The following MLPH variants were observed in gnomAD, a reference collection of about 807,000 sequenced individuals.
MLPH encodes the protein exophilin-3.
MLPH carries 51 observed loss-of-function variants against 72.1 expected under a neutral mutation model. The ratio of observed to expected loss-of-function variants is 0.71; its 90% CI spans 0.56 to 0.89. The LOEUF (loss-of-function observed/expected upper bound fraction) is 0.89, where lower values mean the gene tolerates loss of function less well. Among genes scored for constraint, MLPH ranks in the 40% least tolerant of loss-of-function variants. MLPH has a pLI of 0.00. For missense variants in MLPH, 743 were observed against 759.9 expected, an observed-to-expected ratio of 0.98 and a Z score of 0.26; for synonymous variants, 301 against 310.1, an observed-to-expected ratio of 0.97 and a Z score of 0.31.
intron 6 of MLPH, among the ~76,000 whole-genome samples, chr2:237,521,201 G>A (rs80149249): frequency 0.14 from 21,272 of 151,914 alleles, 1,587 homozygotes; most frequent in Non-Finnish European, 0.16. Context: ...CTATTAGAGC[G>A]AAGAAAACAA....
At chr2:237,492,442 G>C (rs1268829592) in intron 1 of MLPH, among the ~76,000 whole-genome samples, 2 of 149,736 alleles carry the variant, frequency 1.3e-5, no homozygotes, top group East Asian at 3.9e-4. Flanking sequence ...AGCCTGGGCT[G>C]CATAGTGAGA....
chr2:237,536,861 G>A (rs2080541861), intron 9 of MLPH, among the ~76,000 whole-genome samples: 1 of 152,212 alleles, frequency 6.6e-6, no homozygotes, highest in Admixed American at 6.5e-5. Flanking sequence ...CTTGTGGAGG[G>A]AAAGGGCAGC....
At chr2:237,525,837 G>T (rs1164567348) in intron 7 of MLPH, 32 bp downstream of exon 7, 1 of 1,597,572 alleles carries the variant, frequency 6.3e-7, no homozygotes, top group African/African-American at 1.3e-5. Flanking sequence ...CTTCCTGATG[G>T]GCTCGGCATG....
intron 6 of MLPH, among the ~76,000 whole-genome samples, chr2:237,522,614 A>G (rs116656801): frequency 0.16 from 13,632 of 84,360 alleles, 1,162 homozygotes; most frequent in African/African-American, 0.26. Flanking sequence ...GTAGAACTGA[A>G]ACTGGGGTTG....
chr2:237,550,739 G>T (rs895233827), intron 14 of MLPH, among the ~76,000 whole-genome samples: 1 of 152,090 alleles, frequency 6.6e-6, no homozygotes, highest in East Asian at 1.9e-4. Flanking sequence ...AGTAGAGACG[G>T]GTTTTCACCA....
chr2:237,542,852 G>A (rs1275855874), intron 12 of MLPH, among the ~76,000 whole-genome samples, 193 bp downstream of exon 12: 1 of 39,088 alleles, frequency 2.6e-5, no homozygotes, highest in Non-Finnish European at 4.0e-5. Flanking sequence ...ACAGTGGTGA[G>A]TGGCGGACAG....
In MLPH at chr2:237,534,643, C is replaced by G. The variant is rs1487141351; in HGVS notation, c.1100C>G (p.Ala367Gly). 6.2e-7 allele frequency: 1 copy of G among 1,613,448 alleles called. No individual in the cohort carries two copies. The highest frequency in any genetic ancestry group is 8.5e-7 in the Non-Finnish European group (1 of 1,179,542). The change falls in exon 9 of 16, where the codon GCC becomes GGC. Residue 367 changes from alanine to glycine, a missense_variant. Ala to Gly is a moderately conservative substitution (Grantham distance 60). Transcript: ENST00000264605. Reference protein sequence around the residue: ...YLENTVVPPLAKGLGAGVRTE... With the variant: ...YLENTVVPPLGKGLGAGVRTE... ...GAGAACACAGTTGTGCCTCCCTTGG[C>G]CAAGGTAACACTGGGGGCTGGGCAA...
At chr2:237,518,285 A>T in intron 4 of MLPH, 1 of 578,052 alleles carries the variant, frequency 1.7e-6, no homozygotes, top group Non-Finnish European at 3.2e-6. Context: ...CCCATTGAGT[A>T]GGTGGATGAG....
intron 2 of MLPH, among the ~76,000 whole-genome samples, chr2:237,503,947 G>A (rs755912954): frequency 2.4e-4 from 37 of 152,172 alleles, no homozygotes; most frequent in Non-Finnish European, 4.7e-4. Flanking sequence ...GATGATCCCG[G>A]GTTCCCTGGG....
rs755427541 is a variant in MLPH, at chr2:237,527,466, A to G, written c.970A>G (p.Met324Val). ...TGAGGAAAGCATCCGGGCTCACGTG[A>G]TGGCCTCCCACCATTCCAAGCGGAG... The part of the protein sequence containing the change: ...SDEESIRAHV[M>V]ASHHSKRRGR... Residue 324 changes from methionine to valine, a missense_variant, in exon 8 of 16, where the codon ATG (methionine) becomes GTG (valine). By Grantham distance (21) the Met-to-Val change is conservative (BLOSUM62 1). Transcript: ENST00000264605. 6.2e-7 allele frequency: 1 copy of G among 1,614,066 alleles called. No individual in the cohort carries two copies. Among genetic ancestry groups the G allele is most frequent in the African/African-American group, 1.3e-5 (1 of 74,926 alleles).
At chr2:237,539,934 G>A (rs1300414523) in intron 9 of MLPH, among the ~76,000 whole-genome samples, 1 of 152,192 alleles carries the variant, frequency 6.6e-6, no homozygotes, top group Non-Finnish European at 1.5e-5. Flanking sequence ...CCCAGCCCCT[G>A]AAGCTGGACC....
At chr2:237,518,800 A>C in intron 5 of MLPH, 152 bp downstream of exon 5, 1 of 696,656 alleles carries the variant, frequency 1.4e-6, no homozygotes, top group Non-Finnish European at 2.6e-6. Flanking sequence ...GCCCTTTCCC[A>C]GGCCTCAGTA....
chr2:237,515,553 A>G (rs77548450), intron 4 of MLPH, among the ~76,000 whole-genome samples: 2,639 of 152,290 alleles, frequency 0.017, 50 homozygotes, highest in South Asian at 0.08. Context: ...AACAGAAACC[A>G]CGCGGTCGTT....
intron 8 of MLPH, among the ~76,000 whole-genome samples, chr2:237,527,982 A>G (rs541500939): frequency 1.3e-5 from 2 of 152,372 alleles, no homozygotes; most frequent in South Asian, 4.1e-4. Context: ...ATGCTAGACC[A>G]TGGATGAACC....
At chr2:237,515,369 C>T (rs1231887521) in intron 4 of MLPH, among the ~76,000 whole-genome samples, 6 of 152,162 alleles carry the variant, frequency 3.9e-5, no homozygotes, top group African/African-American at 1.4e-4. Flanking sequence ...GAGCCAGGCC[C>T]TGCTGTCCCC....
At chr2:237,532,939 G>A (rs2080451446) in intron 8 of MLPH, among the ~76,000 whole-genome samples, 1 of 152,184 alleles carries the variant, frequency 6.6e-6, no homozygotes, top group South Asian at 2.1e-4. Flanking sequence ...AAGACAGGAA[G>A]GCCTCTCAGC....
rs1400928310 is a variant in MLPH at position 237,511,097 on chromosome 2, T to C, written c.441T>C (p.Gly147=). The C allele has an allele frequency of 1.9e-6, 3 of 1,612,716 alleles. No individual in the cohort carries two copies. Among genetic ancestry groups the C allele is most frequent in the South Asian group, 1.1e-5 (1 of 91,046 alleles). Reference sequence around the variant, plus strand: ...GGTCCCTCCACGGGCGGCTGCAGGGTGGAGGTAAGGAGTGGAGAGTAAGAA... The same window carrying C: ...GGTCCCTCCACGGGCGGCTGCAGGGCGGAGGTAAGGAGTGGAGAGTAAGAA... The part of the protein sequence containing the change: ...VIRSLHGRLQ[G]GAGPELISEE... The change falls in exon 4 of 16, where the codon GGT becomes GGC. Residue 147 remains glycine, a synonymous_variant. Transcript: ENST00000264605.
At chr2:237,525,851 G>C (rs777419436) in intron 7 of MLPH, 46 bp downstream of exon 7, 7 of 1,578,452 alleles carry the variant, frequency 4.4e-6, no homozygotes, top group Non-Finnish European at 6.0e-6. Context: ...CGGCATGGGG[G>C]AGCAGGTCAC....
At chr2:237,553,136 G>A (rs1359896677) in intron 15 of MLPH, 3 of 473,432 alleles carry the variant, frequency 6.3e-6, no homozygotes, top group African/African-American at 6.0e-5. Context: ...AGTCGCAGGA[G>A]GCAACCAATC....
Sources: gnomAD v4.1 joint callset for allele counts (sites outside exome capture counted in the v4.1 genomes callset) on GRCh38, gnomAD v4.1.1 for gene constraint, MANE v1.5 for transcripts, NCBI Gene and HGNC (gene_info 2026-07-23, HGNC 2026-07-21) for gene names.